The following CCNY variants were observed in gnomAD, a reference collection of about 807,000 sequenced individuals.
CCNY encodes cyclin-Y.
A neutral mutation model predicts 42.8 loss-of-function variants in CCNY; 19 were observed. The observed-to-expected ratio is 0.44, with a 90% CI of 0.31 to 0.65. The LOEUF (loss-of-function observed/expected upper bound fraction) is 0.65. CCNY is among the 30% of genes least tolerant of loss of function. The pLI, the probability that CCNY is intolerant of heterozygous loss-of-function variation, is 0.07. For synonymous variants in CCNY, 165 were observed against 162.7 expected, an observed-to-expected ratio of 1.01 and a Z score of -0.11; for missense variants, 370 against 437.3, an observed-to-expected ratio of 0.85 and a Z score of 1.37.
chr10:35,486,405 A>T (rs1839788845), intron 2 of CCNY, among the ~76,000 whole-genome samples: 1 of 152,142 alleles, frequency 6.6e-6, no homozygotes, highest in African/African-American at 2.4e-5. Context: ...ACTCAGTTTC[A>T]CCTCTTACCC....
intron 3 of CCNY, among the ~76,000 whole-genome samples, chr10:35,264,213 G>C (rs1167298148): frequency 1.3e-5 from 2 of 152,012 alleles, no homozygotes; most frequent in Non-Finnish European, 2.9e-5. Flanking sequence ...GGGATTGCTG[G>C]GTCAAATGGT....
chr10:35,437,563 A>G (rs1443979110), intron 1 of CCNY, among the ~76,000 whole-genome samples: 1 of 151,776 alleles, frequency 6.6e-6, no homozygotes, highest in Non-Finnish European at 1.5e-5. Context: ...ATGAGTTGGG[A>G]GTATTGCTTG....
At chr10:35,335,698 AACAC>A (rs372607794), upstream of CCNY, among the ~76,000 whole-genome samples, 1 of 150,974 alleles carries the variant, frequency 6.6e-6, no homozygotes, top group Non-Finnish European at 1.5e-5. Context: ...ACAAAAAGTT[AACAC>A]ACACACACAC....
At chr10:35,317,550 G>A (rs1215866555) in intron 3 of CCNY, among the ~76,000 whole-genome samples, 1 of 152,216 alleles carries the variant, frequency 6.6e-6, no homozygotes, top group Non-Finnish European at 1.5e-5. Flanking sequence ...AAAATTCCAA[G>A]CTGGTTTCTG....
intron 1 of CCNY, among the ~76,000 whole-genome samples, chr10:35,457,104 T>C (rs1207552291): frequency 6.6e-6 from 1 of 152,248 alleles, no homozygotes; most frequent in Non-Finnish European, 1.5e-5. Context: ...GGTTCCACTG[T>C]ATTTGTCCTG....
intron 1 of CCNY, among the ~76,000 whole-genome samples, chr10:35,351,282 A>G (rs1836424725): frequency 6.6e-6 from 1 of 152,236 alleles, no homozygotes; most frequent in Admixed American, 6.5e-5. Context: ...TTTATACGAC[A>G]CATCTGGAAG....
chr10:35,318,640 G>C (rs1377003732), intron 3 of CCNY, among the ~76,000 whole-genome samples: 2 of 151,948 alleles, frequency 1.3e-5, no homozygotes, highest in Non-Finnish European at 2.9e-5. Context: ...GTTTCCCTTT[G>C]GTAATATTGA....
chr10:35,420,147 G>A (rs1447812822), intron 1 of CCNY, among the ~76,000 whole-genome samples: 1 of 152,126 alleles, frequency 6.6e-6, no homozygotes, highest in Non-Finnish European at 1.5e-5. Context: ...ATGTATATAA[G>A]TTCAAGAAGT....
At chr10:35,494,234 ACC>A (rs3067564) in intron 2 of CCNY, among the ~76,000 whole-genome samples, 8 of 109,790 alleles carry the variant, frequency 7.3e-5, no homozygotes, top group African/African-American at 2.7e-4. Flanking sequence ...GCATAGTGAG[ACC>A]CCCCCCCCCA....
chr10:35,385,100 TAGC>T (rs1388776362), intron 1 of CCNY, among the ~76,000 whole-genome samples: 1 of 152,192 alleles, frequency 6.6e-6, no homozygotes, highest in Non-Finnish European at 1.5e-5. Context: ...AGAAAGATAG[TAGC>T]AGAGATCCAG....
intron 1 of CCNY, among the ~76,000 whole-genome samples, chr10:35,454,309 G>A (rs907620444): frequency 5.3e-5 from 8 of 152,194 alleles, no homozygotes; most frequent in African/African-American, 1.7e-4. Context: ...CCTGGAAGAC[G>A]CAAAGGCATC....
intron 3 of CCNY, among the ~76,000 whole-genome samples, chr10:35,314,009 C>T (rs1441475393): frequency 7.5e-6 from 1 of 134,156 alleles, no homozygotes. Flanking sequence ...AAGTAAAATA[C>T]TGGTTATTTT....
At chr10:35,523,011 A>G (rs138060085) in intron 4 of CCNY, among the ~76,000 whole-genome samples, 69 of 152,266 alleles carry the variant, frequency 4.5e-4, no homozygotes, top group African/African-American at 1.6e-3. Context: ...AAAACATTGT[A>G]TAGATAATAT....
At chr10:35,377,216 A>G (rs954298683) in intron 1 of CCNY, among the ~76,000 whole-genome samples, 24 of 152,208 alleles carry the variant, frequency 1.6e-4, no homozygotes, top group Non-Finnish European at 7.3e-5. Flanking sequence ...ACAGTAGTGT[A>G]CAGTAATGTC....
At chr10:35,361,375 A>G (rs997183794) in intron 1 of CCNY, among the ~76,000 whole-genome samples, 6 of 152,236 alleles carry the variant, frequency 3.9e-5, no homozygotes, top group Non-Finnish European at 7.3e-5. Context: ...TACAAGGTAC[A>G]TCAATTCCAC....
At chr10:35,522,963 A>T (rs1840579110) in intron 4 of CCNY, among the ~76,000 whole-genome samples, 1 of 152,214 alleles carries the variant, frequency 6.6e-6, no homozygotes, top group African/African-American at 2.4e-5. Context: ...TGATGGCCAG[A>T]GACCTGGCTG....
chr10:35,337,903 T>C (rs1335930979), intron 1 of CCNY, among the ~76,000 whole-genome samples: 2 of 152,188 alleles, frequency 1.3e-5, no homozygotes, highest in Non-Finnish European at 2.9e-5. Flanking sequence ...GACTTTTGGT[T>C]GGTCTGGAGT....
chr10:35,247,662 G>C (rs986657073), intron 1 of CCNY, among the ~76,000 whole-genome samples: 6 of 151,520 alleles, frequency 4.0e-5, no homozygotes, highest in African/African-American at 1.5e-4. Flanking sequence ...GGATCACAAC[G>C]TCAGGAGATC....
chr10:35,335,861 A>G (rs1836012428), upstream of CCNY: 1 of 150,156 alleles, frequency 6.7e-6, no homozygotes, highest in Non-Finnish European at 1.4e-5. Context: ...TTGGAGACAC[A>G]CACACACACA....
Sources: gnomAD v4.1 joint callset for allele counts (sites outside exome capture counted in the v4.1 genomes callset) on GRCh38, gnomAD v4.1.1 for gene constraint, MANE v1.5 for transcripts, NCBI Gene and HGNC (gene_info 2026-07-23, HGNC 2026-07-21) for gene names.